Variants in PAK1 observed in about 807,000 individuals in gnomAD.
PAK1 encodes serine/threonine-protein kinase PAK 1.
Under a neutral mutation model 67.4 loss-of-function variants are expected in PAK1, and 29 were observed. The ratio of observed to expected loss-of-function variants is 0.43; its 90% confidence interval spans 0.32 to 0.59. The LOEUF (loss-of-function observed/expected upper bound fraction) is 0.59, where lower values mean the gene tolerates loss of function less well. PAK1 is among the 20% of genes least tolerant of loss of function. The pLI is 0.07. For synonymous variants in PAK1, 223 were observed against 237.4 expected (o/e 0.94, Z 0.56); for missense variants, 337 against 670.7 (o/e 0.50, Z 5.50).
Position 77,465,896 on chromosome 11 carries a change from C to T in PAK1, c.-22+7656G>A, listed in dbSNP as rs1045862007. Among the ~76,000 whole-genome samples the T allele has an allele frequency of 4.6e-5, 7 of 152,244 alleles. No homozygotes were observed. In the East Asian group the frequency reaches 7.7e-4, roughly 17 times the overall value. ...CCCGGGAGGGCAGCACTGCAGTGAG[C>T]TATGATGGAGCTACTGTACTCCAAC... is the stretch of plus-strand genomic sequence containing the variant. On this transcript the variant is annotated intron_variant, in intron 1 of 14. Coordinates refer to ENST00000356341, the MANE Select transcript of PAK1 (RefSeq NM_002576.5).
chr11:77,519,080 A>C, the PAK1 span, among the ~76,000 whole-genome samples: 1 of 152,186 alleles, frequency 6.6e-6, no homozygotes, highest in East Asian at 1.9e-4. Flanking sequence ...CACCTAACAA[A>C]AGTAACACCT....
chr11:77,362,888 G>A (rs543559571), intron 5 of PAK1, among the ~76,000 whole-genome samples: 4 of 152,308 alleles, frequency 2.6e-5, no homozygotes, highest in South Asian at 2.1e-4. Flanking sequence ...CCAAAATGGC[G>A]AAGAACTGTA....
At chr11:77,394,244 C>A (rs1951545515) in intron 1 of PAK1, among the ~76,000 whole-genome samples, 1 of 152,090 alleles carries the variant, frequency 6.6e-6, no homozygotes, top group Admixed American at 6.6e-5. Context: ...GTTCAAAAAA[C>A]CAGCACAATA....
chr11:77,331,734 AT>A (rs1941575210), intron 14 of PAK1, among the ~76,000 whole-genome samples: 1 of 151,960 alleles, frequency 6.6e-6, no homozygotes, highest in South Asian at 2.1e-4. Flanking sequence ...ATGTATACAT[AT>A]GTAACAAACC....
At chr11:77,496,280 G>A in the PAK1 span, among the ~76,000 whole-genome samples, 1 of 152,066 alleles carries the variant, frequency 6.6e-6, no homozygotes, top group Non-Finnish European at 1.5e-5. Context: ...GCCTCCCAAA[G>A]TGCTGGATTA....
At chr11:77,426,369 C>T (rs926584245) in intron 1 of PAK1, among the ~76,000 whole-genome samples, 3 of 152,188 alleles carry the variant, frequency 2.0e-5, no homozygotes, top group African/African-American at 7.2e-5. Context: ...CCACCTCCCA[C>T]TGTTGGTGAC....
At chr11:77,428,555 G>A (rs1283290662) in intron 1 of PAK1, among the ~76,000 whole-genome samples, 2 of 142,366 alleles carry the variant, frequency 1.4e-5, no homozygotes, top group South Asian at 2.2e-4. Context: ...CTGGGCGACA[G>A]AACAAGACTC....
At chr11:77,453,121 G>A (rs1008407690) in intron 1 of PAK1, among the ~76,000 whole-genome samples, 17 of 152,330 alleles carry the variant, frequency 1.1e-4, no homozygotes, top group Non-Finnish European at 1.8e-4. Flanking sequence ...TCAGGAGGCC[G>A]AGGCAAGCAG....
At chr11:77,323,764 T>C (rs1471620837) in intron 14 of PAK1, among the ~76,000 whole-genome samples, 1 of 152,080 alleles carries the variant, frequency 6.6e-6, no homozygotes, top group Admixed American at 6.5e-5. Flanking sequence ...AGCAATACAA[T>C]AAGTAATTGG....
intron 10 of PAK1, among the ~76,000 whole-genome samples, chr11:77,342,677 T>C (rs550777499): frequency 6.6e-6 from 1 of 152,326 alleles, no homozygotes; most frequent in South Asian, 2.1e-4. Context: ...GTGTTGGGAA[T>C]GTCAAAGTTC....
chr11:77,323,180 G>C lies in PAK1; in HGVS notation c.*94C>G. 1 of 1,578,484 alleles carries C rather than the reference G, an allele frequency of 6.3e-7. No homozygotes were observed. Among genetic ancestry groups the C allele is most frequent in the Non-Finnish European group, 8.6e-7 (1 of 1,161,440 alleles). On this transcript the variant is annotated 3_prime_UTR_variant, in exon 15 of 15. Transcript: ENST00000356341. ...CTAGATCAGGAAATGGGAGAAGCAA[G>C]GCAAGGAGAAGAGGGCATCAGGAGT... is the stretch of plus-strand genomic sequence containing the variant.
chr11:77,375,664 A>T (rs1008105376), intron 4 of PAK1, among the ~76,000 whole-genome samples: 1 of 152,190 alleles, frequency 6.6e-6, no homozygotes, highest in Non-Finnish European at 1.5e-5. Context: ...GGTATCTTAG[A>T]CTTCATAAAA....
At chr11:77,348,945 GA>G (rs1005640964) in intron 9 of PAK1, among the ~76,000 whole-genome samples, 1 of 151,988 alleles carries the variant, frequency 6.6e-6, no homozygotes, top group African/African-American at 2.4e-5. Context: ...CTAACATGGT[GA>G]AACCTCACCT....
At chr11:77,491,516 G>C in the PAK1 span, among the ~76,000 whole-genome samples, 110 of 151,876 alleles carry the variant, frequency 7.2e-4, 1 homozygote, top group African/African-American at 2.6e-3. Context: ...GTGATAGAGT[G>C]AGACTCTGCC....
At chr11:77,478,836 G>A (rs1958086997), upstream of PAK1, among the ~76,000 whole-genome samples, 1 of 151,506 alleles carries the variant, frequency 6.6e-6, no homozygotes, top group Non-Finnish European at 1.5e-5. Context: ...CAACACTTTG[G>A]GAGGCCGAGG....
the PAK1 span, among the ~76,000 whole-genome samples, chr11:77,488,949 T>C: frequency 6.6e-6 from 1 of 152,044 alleles, no homozygotes; most frequent in African/African-American, 2.4e-5. Context: ...TACAAGAAGG[T>C]TATAGAACAC....
At chr11:77,471,845 T>G (rs1289071422) in intron 1 of PAK1, among the ~76,000 whole-genome samples, 1 of 152,186 alleles carries the variant, frequency 6.6e-6, no homozygotes, top group African/African-American at 2.4e-5. Flanking sequence ...GCTTAGTAAA[T>G]GTATATTGAA....
At chr11:77,360,945 G>A (rs915460464) in intron 5 of PAK1, among the ~76,000 whole-genome samples, 1 of 152,128 alleles carries the variant, frequency 6.6e-6, no homozygotes, top group Non-Finnish European at 1.5e-5. Flanking sequence ...TTATCATTAT[G>A]TCTAATAACC....
intron 1 of PAK1, among the ~76,000 whole-genome samples, chr11:77,433,088 C>A (rs894564255): frequency 2.6e-5 from 4 of 152,018 alleles, no homozygotes; most frequent in Non-Finnish European, 5.9e-5. Context: ...GACAATGCAA[C>A]GAAGAAAGAA....
Sources: gnomAD v4.1 joint callset for allele counts (sites outside exome capture counted in the v4.1 genomes callset) on GRCh38, gnomAD v4.1.1 for gene constraint, MANE v1.5 for transcripts, NCBI Gene and HGNC (gene_info 2026-07-23, HGNC 2026-07-21) for gene names.